Variants in KALRN observed in about 807,000 individuals in gnomAD.
KALRN encodes kalirin RhoGEF kinase.
Under a neutral mutation model 353.7 loss-of-function variants are expected in KALRN, and 70 were observed. The observed-to-expected ratio is 0.20, with a 90% CI of 0.16 to 0.24. The LOEUF is 0.24. Among genes scored for constraint, KALRN ranks in the 10% least tolerant of loss-of-function variants. KALRN has a pLI of 1.00. For missense variants in KALRN, 2,791 were observed against 3,756.7 expected (o/e 0.74, Z 6.72); for synonymous variants, 1,391 against 1,434.8 (o/e 0.97, Z 0.69).
At chr3:124,280,357 C>A (rs975593805) in intron 5 of KALRN, among the ~76,000 whole-genome samples, 1 of 152,180 alleles carries the variant, frequency 6.6e-6, no homozygotes, top group Admixed American at 6.5e-5. Flanking sequence ...GCAGTCCCAT[C>A]TCTGTCTCCC....
intron 5 of KALRN, among the ~76,000 whole-genome samples, chr3:124,278,213 G>T (rs80261501): frequency 6.6e-6 from 1 of 150,994 alleles, no homozygotes; most frequent in Non-Finnish European, 1.5e-5. Context: ...TTGATACATC[G>T]TAAGGAAAAG....
intron 14 of KALRN, 105 bp from the exon 15 acceptor site, chr3:124,422,707 G>T: frequency 1.1e-6 from 1 of 905,686 alleles, no homozygotes; most frequent in Non-Finnish European, 1.7e-6. Context: ...GGGAGGGTAT[G>T]AATAATGGCT....
intron 16 of KALRN, among the ~76,000 whole-genome samples, chr3:124,431,842 C>T (rs980770539): frequency 2.0e-5 from 3 of 152,120 alleles, no homozygotes; most frequent in Admixed American, 6.5e-5. Flanking sequence ...TTTAATTTCC[C>T]GGAAACCATC....
At chr3:124,431,366 A>T (rs1367791392) in intron 16 of KALRN, among the ~76,000 whole-genome samples, 1 of 152,252 alleles carries the variant, frequency 6.6e-6, no homozygotes, top group Non-Finnish European at 1.5e-5. Context: ...GAAGAAGCTT[A>T]TCAACAGGGG....
Position 124,033,907 on chromosome 3 carries a change from C to T in KALRN, c.73+94C>T, listed in dbSNP as rs1032784988. ...TTTGGGGAAGGAGGGCTGTTGCTGC[C>T]GCGTGCGTGTTGGGGGGCAGTGCCC... On this transcript the variant is annotated intron_variant, in intron 1 of 59. Transcript: ENST00000682506. This position sits in a 1 kb window ranked among gnomAD's most constrained non-coding sequence, Gnocchi z 6.2. 6.6e-6 allele frequency among the ~76,000 whole-genome samples: 1 copy of T among 152,160 alleles called. No homozygotes were observed. Among genetic ancestry groups the T allele is most frequent in the Non-Finnish European group, 1.5e-5 (1 of 68,032 alleles).
At chr3:124,256,363 G>A (rs1245923210) in intron 3 of KALRN, among the ~76,000 whole-genome samples, 2 of 152,166 alleles carry the variant, frequency 1.3e-5, no homozygotes, top group Non-Finnish European at 2.9e-5. Context: ...CTCCTAAAGT[G>A]TGAAACAGAG....
intron 6 of KALRN, among the ~76,000 whole-genome samples, chr3:124,309,914 G>T (rs2078083988): frequency 6.6e-6 from 1 of 152,090 alleles, no homozygotes; most frequent in Non-Finnish European, 1.5e-5. Flanking sequence ...ATATTGGAGG[G>T]TCTATTCAGG....
chr3:124,155,159 G>A (rs1333378467), intron 1 of KALRN, among the ~76,000 whole-genome samples: 1 of 152,114 alleles, frequency 6.6e-6, no homozygotes, highest in African/African-American at 2.4e-5. Flanking sequence ...AAAAACCCTA[G>A]AAGAAAACCT....
intron 33 of KALRN, among the ~76,000 whole-genome samples, chr3:124,515,761 C>T (rs979333553): frequency 2.6e-5 from 4 of 152,128 alleles, no homozygotes; most frequent in African/African-American, 7.2e-5. Flanking sequence ...AAACTTTTTC[C>T]ACTAGTCCTT....
Position 124,268,845 on chromosome 3 carries a change from G to C in KALRN, c.559G>C (p.Glu187Gln). 6.2e-7 allele frequency: 1 copy of C among 1,614,098 alleles called. No homozygotes were observed. The highest frequency in any genetic ancestry group is 1.1e-5 in the South Asian group (1 of 91,062). ...SLDYNHEEWIELRLSLEEFFN... is the reference protein window; with the variant it reads ...SLDYNHEEWIQLRLSLEEFFN... ...GGACTACAACCATGAGGAGTGGATCGAACTGCGGCTCTCCCTGGAGGAGTT... is the reference window on the plus strand; with the variant it reads ...GGACTACAACCATGAGGAGTGGATCCAACTGCGGCTCTCCCTGGAGGAGTT... Residue 187 changes from glutamate (E) to glutamine (Q), a missense_variant, in exon 5 of 60, where the codon GAA (glutamate) becomes CAA (glutamine). Glu to Gln is a conservative substitution (Grantham distance 29). Coordinates refer to ENST00000682506, the MANE Select transcript of KALRN (RefSeq NM_001388419.1).
At chr3:124,098,086 G>A (rs946946707) in intron 1 of KALRN, among the ~76,000 whole-genome samples, 1 of 152,182 alleles carries the variant, frequency 6.6e-6, no homozygotes, top group Non-Finnish European at 1.5e-5. Context: ...AGGGGTTTAC[G>A]TTCCTTTGTT....
chr3:124,603,626 C>T (rs2077030385), intron 34 of KALRN, among the ~76,000 whole-genome samples: 1 of 152,022 alleles, frequency 6.6e-6, no homozygotes, highest in Non-Finnish European at 1.5e-5. Flanking sequence ...AGGGAGAGAC[C>T]CAGTCAATTT....
In KALRN at chr3:124,466,020, TTC is replaced by T. The variant is rs567490337; in HGVS notation, c.4031+3395_4031+3396del. 1.2e-4 allele frequency among the ~76,000 whole-genome samples: 17 copies of T among 141,046 alleles called. No homozygotes were observed. In the East Asian group the frequency reaches 3.2e-3, roughly 26 times the overall value. 92.5% of individuals were successfully genotyped at this position (141,046 alleles called of 152,430 possible). ...TTTGAAAAATTGCAACCAGGATTAG[TTC>T]TCTCTCTTGCTCTGTGTGTGTGTGT... is the stretch of plus-strand genomic sequence containing the variant. On this transcript the variant is annotated intron_variant, in intron 25 of 59. Coordinates refer to ENST00000682506, the MANE Select transcript of KALRN (RefSeq NM_001388419.1).
chr3:124,568,837 G>C (rs1357098168), intron 34 of KALRN, among the ~76,000 whole-genome samples: 1 of 152,198 alleles, frequency 6.6e-6, no homozygotes, highest in Non-Finnish European at 1.5e-5. Context: ...GGGCTGGAGG[G>C]AATGGGGAAT....
Position 124,221,303 on chromosome 3 carries a change from A to G in KALRN, c.74-6687A>G, listed in dbSNP as rs559142666. On this transcript the variant is annotated intron_variant, in intron 1 of 59. Transcript: ENST00000682506. Reference sequence around the variant, plus strand: ...AAGATCATCTTCTCTGTGGAGACTGACCTGATGGATCATCTCAACTTGCCA... The same window carrying G: ...AAGATCATCTTCTCTGTGGAGACTGGCCTGATGGATCATCTCAACTTGCCA... Among the ~76,000 whole-genome samples the G allele has an allele frequency of 1.0e-3, 159 of 152,130 alleles. 1 individual carries two copies. Among genetic ancestry groups the G allele is most frequent in the Admixed American group, 3.3e-3 (50 of 15,290 alleles).
At chr3:124,288,768 C>T (rs558639039) in intron 5 of KALRN, among the ~76,000 whole-genome samples, 50 of 151,998 alleles carry the variant, frequency 3.3e-4, no homozygotes, top group African/African-American at 1.1e-3. Flanking sequence ...GCAGGGTGGG[C>T]TGAGGGATGA....
chr3:124,473,534 C>T (rs1207775922), intron 25 of KALRN, among the ~76,000 whole-genome samples: 3 of 152,164 alleles, frequency 2.0e-5, no homozygotes, highest in African/African-American at 7.2e-5. Flanking sequence ...TCTACATATT[C>T]TTCTGTACCT....
chr3:124,109,185 GTTA>G (rs1445536115), intron 1 of KALRN, among the ~76,000 whole-genome samples: 18 of 152,016 alleles, frequency 1.2e-4, no homozygotes, highest in African/African-American at 1.2e-4. Flanking sequence ...AAGATTGTCA[GTTA>G]TTATCTCTGT....
At chr3:124,308,990 A>G (rs1580783338) in intron 6 of KALRN, among the ~76,000 whole-genome samples, 1 of 152,232 alleles carries the variant, frequency 6.6e-6, no homozygotes, top group South Asian at 2.1e-4. Context: ...TTACGAGAAA[A>G]TAGTATTATA....
Sources: gnomAD v4.1 joint callset for allele counts (sites outside exome capture counted in the v4.1 genomes callset) on GRCh38, gnomAD v4.1.1 for gene constraint, Gnocchi (gnomAD v3.1) non-coding constraint, MANE v1.5 for transcripts, NCBI Gene and HGNC (gene_info 2026-07-23, HGNC 2026-07-21) for gene names.